Variants in NEXN observed in about 807,000 individuals in gnomAD.
The protein encoded by NEXN is nexilin F-actin binding protein.
A neutral mutation model predicts 92.6 loss-of-function variants in NEXN; 65 were observed. That is an observed-to-expected ratio of 0.70 (90% CI 0.57 to 0.86). NEXN has a LOEUF of 0.86. Ranked by LOEUF, NEXN falls within the 40% of genes least tolerant of loss-of-function variation. The probability of loss-of-function intolerance (pLI) is 0.00; values close to 1 mark genes in which losing one functional copy is unlikely to be tolerated. For missense variants in NEXN, 778 were observed against 771.1 expected (o/e 1.01, Z -0.11); for synonymous variants, 254 against 242.5 (o/e 1.05, Z -0.44).
chr1:77,941,863 G>A, intron 11 of NEXN, 160 bp from the exon 12 acceptor site: 4 of 661,430 alleles, frequency 6.0e-6, no homozygotes, highest in Non-Finnish European at 1.1e-5. Context: ...CACTTTTCCT[G>A]AACTGGAGAG....
chr1:77,912,371 C>T (rs528400511), intron 1 of NEXN, among the ~76,000 whole-genome samples: 1 of 151,852 alleles, frequency 6.6e-6, no homozygotes, highest in African/African-American at 2.4e-5. Context: ...TATTAATTCT[C>T]CCTAGATCCA....
chr1:77,937,869 CAA>C (rs1323074827), intron 11 of NEXN, among the ~76,000 whole-genome samples: 2 of 152,034 alleles, frequency 1.3e-5, no homozygotes, highest in African/African-American at 4.8e-5. Context: ...GGTTAACAAA[CAA>C]AAGCTATTAA....
intron 1 of NEXN, among the ~76,000 whole-genome samples, chr1:77,913,551 A>G (rs918598611): frequency 1.3e-5 from 2 of 152,040 alleles, no homozygotes; most frequent in Non-Finnish European, 2.9e-5. Flanking sequence ...TTCATTTAAT[A>G]TATATTCAAG....
At chr1:77,926,649 A>T in intron 7 of NEXN, 38 bp downstream of exon 7, 1 of 1,613,918 alleles carries the variant, frequency 6.2e-7, no homozygotes, top group Non-Finnish European at 8.5e-7. Flanking sequence ...GAAACAAATC[A>T]AGGCAGTTTA....
chr1:77,915,367 T>C (rs9661193), intron 1 of NEXN, among the ~76,000 whole-genome samples: 136,100 of 152,218 alleles, frequency 0.89, 60,981 homozygotes, highest in Non-Finnish European at 0.92. Context: ...TGGTGGCTCA[T>C]GCCTGTAATC....
chr1:77,932,821 C>T (rs899745574), intron 9 of NEXN, among the ~76,000 whole-genome samples: 2 of 152,196 alleles, frequency 1.3e-5, no homozygotes, highest in Admixed American at 1.3e-4. Flanking sequence ...TGTGTTGAGA[C>T]TTCCTTGTTT....
At chr1:77,912,771 C>T (rs768704040) in intron 1 of NEXN, among the ~76,000 whole-genome samples, 15 of 152,148 alleles carry the variant, frequency 9.9e-5, no homozygotes, top group Non-Finnish European at 2.1e-4. Context: ...TAGAAATAGA[C>T]CTTACATTCT....
chr1:77,913,414 C>CA (rs1359404853), intron 1 of NEXN, among the ~76,000 whole-genome samples: 1,966 of 111,780 alleles, frequency 0.018, 34 homozygotes, highest in African/African-American at 0.058. Flanking sequence ...GACTCCATCT[C>CA]AAAAAAAAAA....
chr1:77,897,915 T>C (rs2102039300), intron 1 of NEXN, among the ~76,000 whole-genome samples: 1 of 152,056 alleles, frequency 6.6e-6, no homozygotes, highest in African/African-American at 2.4e-5. Flanking sequence ...TCACAATTGC[T>C]TCAAAGAGAA....
At chr1:77,907,739 A>G (rs1221947886) in intron 1 of NEXN, among the ~76,000 whole-genome samples, 1 of 152,206 alleles carries the variant, frequency 6.6e-6, no homozygotes, top group Non-Finnish European at 1.5e-5. Context: ...TACAAATTAA[A>G]TGAAGAGGTC....
At chr1:77,926,334 C>A in intron 6 of NEXN, 80 bp from the exon 7 acceptor site, 1 of 887,576 alleles carries the variant, frequency 1.1e-6, no homozygotes, top group Non-Finnish European at 1.8e-6. Context: ...TAATGAAATT[C>A]ACCTATGATG....
rs1177977536 is a variant in NEXN, at chr1:77,936,045, G to T, written c.1473+1G>T. ...GCGAGAAGCTGAAAATTTTCATGAGGTATATTACCTTTATATTTAACATAG... is the reference window on the plus strand; with the variant it reads ...GCGAGAAGCTGAAAATTTTCATGAGTTATATTACCTTTATATTTAACATAG... On this transcript the variant is annotated splice_donor_variant, in intron 11 of 12. Coordinates refer to ENST00000334785, the MANE Select transcript of NEXN (RefSeq NM_144573.4). LOFTEE classifies it high-confidence loss of function. 6.3e-7 allele frequency: 1 copy of T among 1,587,526 alleles called. No individual in the cohort carries two copies. Among genetic ancestry groups the T allele is most frequent in the East Asian group, 2.2e-5 (1 of 44,720 alleles).
intron 9 of NEXN, among the ~76,000 whole-genome samples, chr1:77,931,340 G>A (rs1170685132): frequency 6.7e-6 from 1 of 148,184 alleles, no homozygotes; most frequent in African/African-American, 2.5e-5. Flanking sequence ...ATGAACCTGG[G>A]AGGCGGAGCT....
chr1:77,935,494 GT>G (rs1468050856), intron 10 of NEXN, among the ~76,000 whole-genome samples: 1 of 152,232 alleles, frequency 6.6e-6, no homozygotes, highest in African/African-American at 2.4e-5. Context: ...AGCATTTTAA[GT>G]AGAATGTTTT....
rs565518624 is a variant in NEXN, at chr1:77,917,995, T to A, written c.255T>A (p.Asp85Glu). The A allele has an allele frequency of 6.2e-7, 1 of 1,613,542 alleles. No individual in the cohort carries two copies. Among genetic ancestry groups the A allele is most frequent in the South Asian group, 1.1e-5 (1 of 91,066 alleles). Residue 85 changes from aspartate to glutamate, a missense_variant, in exon 4 of 13, where the codon GAT (aspartate) becomes GAA (glutamate). Asp to Glu is a conservative substitution (Grantham distance 45, BLOSUM62 2). Around this residue, in one of 3 missense-constraint regions of NEXN, gnomAD observed 236 missense variants for 265.6 expected, o/e 0.89. Transcript: ENST00000334785. ...TGCTTGCTTCTGATGATGAGGAAGA[T>A]GTATCTTCTAAAGTAGAAAAGGCTT... ...KEMLASDDEEDVSSKVEKAYV... is the reference protein window; with the variant it reads ...KEMLASDDEEEVSSKVEKAYV...
chr1:77,932,350 A>G (rs977214584), intron 9 of NEXN, among the ~76,000 whole-genome samples: 9 of 152,178 alleles, frequency 5.9e-5, no homozygotes, highest in African/African-American at 2.2e-4. Context: ...GATATTAGTA[A>G]CTACTTCATA....
intron 5 of NEXN, among the ~76,000 whole-genome samples, chr1:77,924,039 T>A (rs1172748330): frequency 1.3e-5 from 2 of 152,076 alleles, no homozygotes; most frequent in African/African-American, 4.8e-5. Context: ...AGAGAAAACA[T>A]GACTATCAGA....
chr1:77,931,007 T>C (rs923469070), intron 9 of NEXN, among the ~76,000 whole-genome samples: 7 of 152,174 alleles, frequency 4.6e-5, no homozygotes, highest in African/African-American at 1.7e-4. Flanking sequence ...GTGCAGTAGG[T>C]AATCCCTGAT....
chr1:77,895,412 A>C (rs542843823), intron 1 of NEXN, among the ~76,000 whole-genome samples: 1 of 152,316 alleles, frequency 6.6e-6, no homozygotes, highest in South Asian at 2.1e-4. Context: ...AAGTTACATT[A>C]TACCTAAGTT....
Sources: allele counts gnomAD v4.1 joint callset (sites outside exome capture counted in the v4.1 genomes callset), GRCh38; gene constraint gnomAD v4.1.1; regional missense constraint gnomAD v4.1.1; transcripts MANE v1.5; gene names NCBI Gene and HGNC (gene_info 2026-07-23, HGNC 2026-07-21).